The following PKIG variants were observed in gnomAD, a reference collection of about 807,000 sequenced individuals.
PKIG encodes protein kinase (cAMP-dependent, catalytic) inhibitor gamma.
Under a neutral mutation model 6.8 loss-of-function variants are expected in PKIG, and 1 was observed. The ratio of observed to expected loss-of-function variants is 0.15; its 90% CI spans 0.05 to 0.69. The LOEUF is 0.69. Among genes scored for constraint, PKIG ranks in the 30% least tolerant of loss-of-function variants. The probability of loss-of-function intolerance (pLI) is 0.82; values close to 1 mark genes in which losing one functional copy is unlikely to be tolerated. For synonymous variants in PKIG, 39 were observed against 43.0 expected (o/e 0.91, Z 0.36); for missense variants, 77 against 104.0 (o/e 0.74, Z 1.13).
chr20:44,591,213 G>T (rs1007259862), intron 2 of PKIG, among the ~76,000 whole-genome samples: 2 of 152,136 alleles, frequency 1.3e-5, no homozygotes, highest in Non-Finnish European at 2.9e-5. Context: ...GCAGCACAGC[G>T]AAGGCCTGGA....
At chr20:44,556,457 GGTTCAA>G (rs1226691669) in intron 1 of PKIG, among the ~76,000 whole-genome samples, 1 of 152,042 alleles carries the variant, frequency 6.6e-6, no homozygotes, top group Non-Finnish European at 1.5e-5. Flanking sequence ...CTGCCTCCTG[GGTTCAA>G]GTGATTCTCC....
chr20:44,618,533 C>G lies in PKIG; in HGVS notation c.*169C>G. 1.7e-6 allele frequency: 1 copy of G among 586,474 alleles called. No individual in the cohort carries two copies. Among genetic ancestry groups the G allele is most frequent in the East Asian group, 2.9e-5 (1 of 34,548 alleles). 36.3% of individuals were successfully genotyped at this position (586,474 alleles called of 1,614,324 possible). On this transcript the variant is annotated 3_prime_UTR_variant, in exon 4 of 4. Coordinates refer to ENST00000372886, the MANE Select transcript of PKIG (RefSeq NM_001281445.2). ...CTGTGGCCTCCACTCCGGGAAAGCC[C>G]TCTGCCCACACCCACAGGCTTCACA...
intron 1 of PKIG, among the ~76,000 whole-genome samples, chr20:44,585,484 CA>C (rs2064982442): frequency 6.6e-6 from 1 of 152,220 alleles, no homozygotes; most frequent in East Asian, 1.9e-4. Flanking sequence ...AGGCAGAGAT[CA>C]TCTCCATTTT....
At chr20:44,539,491 C>T (rs1238822307) in intron 1 of PKIG, among the ~76,000 whole-genome samples, 1 of 151,700 alleles carries the variant, frequency 6.6e-6, no homozygotes, top group Admixed American at 6.6e-5. Context: ...GTGATCTCGG[C>T]TCACTGCAAC....
At chr20:44,615,919 C>T (rs1030069491) in intron 3 of PKIG, among the ~76,000 whole-genome samples, 1 of 152,090 alleles carries the variant, frequency 6.6e-6, no homozygotes, top group Non-Finnish European at 1.5e-5. Flanking sequence ...TGAGAGAGAG[C>T]CCCCAGCACC....
rs186411085 is a variant in PKIG at position 44,588,978 on chromosome 20, T to C, written c.-93-819T>C. Among the ~76,000 whole-genome samples the C allele has an allele frequency of 2.6e-5, 4 of 152,380 alleles. No individual in the cohort carries two copies. In the East Asian group the frequency reaches 7.7e-4, roughly 29 times the overall value. On this transcript the variant is annotated intron_variant, in intron 1 of 3. Coordinates refer to ENST00000372886, the MANE Select transcript of PKIG (RefSeq NM_001281445.2). Reference sequence around the variant, plus strand: ...ATAGATAATGTACAAAGTGAAAGTCTTTCATTTCTTTTCTCACAATTTCTC... The same window carrying C: ...ATAGATAATGTACAAAGTGAAAGTCCTTCATTTCTTTTCTCACAATTTCTC...
At chr20:44,609,722 C>T (rs2065196791) in intron 2 of PKIG, among the ~76,000 whole-genome samples, 1 of 152,202 alleles carries the variant, frequency 6.6e-6, no homozygotes, top group Admixed American at 6.5e-5. Flanking sequence ...GACAGTCTAA[C>T]TGAGGAAGAG....
chr20:44,544,918 C>T (rs2064597440), intron 1 of PKIG, among the ~76,000 whole-genome samples: 5 of 124,866 alleles, frequency 4.0e-5, no homozygotes, highest in East Asian at 2.1e-4. Flanking sequence ...TCTTTCCTTC[C>T]TTCTTTCTTT....
At chr20:44,577,544 CTTA>C (rs2123320537) in intron 1 of PKIG, among the ~76,000 whole-genome samples, 1 of 152,158 alleles carries the variant, frequency 6.6e-6, no homozygotes, top group African/African-American at 2.4e-5. Context: ...TCTGTATTTT[CTTA>C]TCTTTTTACA....
intron 1 of PKIG, among the ~76,000 whole-genome samples, chr20:44,547,976 G>A (rs1004877864): frequency 1.3e-5 from 2 of 152,024 alleles, no homozygotes; most frequent in African/African-American, 4.8e-5. Flanking sequence ...TCAGGAGTTC[G>A]AGATCAGCCT....
At chr20:44,594,807 C>CTCCA in intron 2 of PKIG, among the ~76,000 whole-genome samples, 1 of 152,200 alleles carries the variant, frequency 6.6e-6, no homozygotes, top group Admixed American at 6.5e-5. Flanking sequence ...TCTACTCTGC[C>CTCCA]TCCAGCACCT....
At chr20:44,541,399 T>C (rs1257636339) in intron 1 of PKIG, among the ~76,000 whole-genome samples, 1 of 152,082 alleles carries the variant, frequency 6.6e-6, no homozygotes, top group African/African-American at 2.4e-5. Flanking sequence ...AGTGATCCTC[T>C]CACCTCAGCC....
At chr20:44,552,969 A>G (rs2064682064) in intron 1 of PKIG, among the ~76,000 whole-genome samples, 1 of 152,084 alleles carries the variant, frequency 6.6e-6, no homozygotes. Context: ...TTTTGGAACC[A>G]CTTATATAAT....
At chr20:44,579,287 T>C (rs1476213518), upstream of PKIG, among the ~76,000 whole-genome samples, 1 of 152,218 alleles carries the variant, frequency 6.6e-6, no homozygotes, top group African/African-American at 2.4e-5. Flanking sequence ...GAGAGACCCC[T>C]TCTAAACTGG....
chr20:44,591,230 G>T (rs549320025), intron 2 of PKIG, among the ~76,000 whole-genome samples: 20 of 152,268 alleles, frequency 1.3e-4, no homozygotes, highest in Admixed American at 2.6e-4. Context: ...TGGAGGCTTG[G>T]GGGGTGCAGC....
chr20:44,595,864 C>T (rs1278363263), intron 2 of PKIG, among the ~76,000 whole-genome samples: 7 of 152,134 alleles, frequency 4.6e-5, no homozygotes, highest in Non-Finnish European at 7.4e-5. Flanking sequence ...AGTACAACCA[C>T]GAAAATGCAT....
chr20:44,601,844 T>C (rs975978805), intron 2 of PKIG, among the ~76,000 whole-genome samples: 9 of 152,262 alleles, frequency 5.9e-5, no homozygotes, highest in African/African-American at 1.9e-4. Flanking sequence ...TAATGGAATC[T>C]GCCTGAGCAA....
intron 2 of PKIG, among the ~76,000 whole-genome samples, chr20:44,603,203 G>A (rs888757600): frequency 6.6e-6 from 1 of 152,174 alleles, no homozygotes; most frequent in Non-Finnish European, 1.5e-5. Flanking sequence ...TTAATCTTCT[G>A]TAGCACCGTT....
intron 1 of PKIG, among the ~76,000 whole-genome samples, chr20:44,566,478 A>G (rs1373711648): frequency 6.6e-6 from 1 of 152,248 alleles, no homozygotes; most frequent in African/African-American, 2.4e-5. Context: ...TCATGCATGC[A>G]TATCATATAT....
Sources: allele counts gnomAD v4.1 joint callset (sites outside exome capture counted in the v4.1 genomes callset), GRCh38; gene constraint gnomAD v4.1.1; transcripts MANE v1.5; gene names NCBI Gene and HGNC (gene_info 2026-07-23, HGNC 2026-07-21).